Variants in CDK14 observed in about 807,000 individuals in gnomAD.
CDK14 encodes the protein cyclin dependent kinase 14.
Under a neutral mutation model 60.7 loss-of-function variants are expected in CDK14, and 34 were observed. The observed-to-expected ratio is 0.56, with a 90% CI of 0.43 to 0.75. The LOEUF is 0.75. Ranked by LOEUF, CDK14 falls within the 30% of genes least tolerant of loss-of-function variation. CDK14 has a pLI of 0.00. For missense variants in CDK14, 482 were observed against 564.1 expected, an observed-to-expected ratio of 0.85 and a Z score of 1.47; for synonymous variants, 197 against 203.7, an observed-to-expected ratio of 0.97 and a Z score of 0.28.
chr7:91,004,533 G>A (rs1447265082), intron 10 of CDK14, among the ~76,000 whole-genome samples: 1 of 152,082 alleles, frequency 6.6e-6, no homozygotes, highest in Non-Finnish European at 1.5e-5. Flanking sequence ...GAAGGACAAA[G>A]CCAGTATTAA....
intron 10 of CDK14, among the ~76,000 whole-genome samples, chr7:91,003,822 T>C (rs1795907633): frequency 6.6e-6 from 1 of 152,258 alleles, no homozygotes; most frequent in African/African-American, 2.4e-5. Context: ...GATTGTTTAT[T>C]GGAGAAAATA....
chr7:90,671,431 T>C (rs1801096357), intron 2 of CDK14, among the ~76,000 whole-genome samples: 1 of 151,850 alleles, frequency 6.6e-6, no homozygotes, highest in Admixed American at 6.6e-5. Flanking sequence ...TGTAAACAAA[T>C]GAAAGAAAAA....
intron 10 of CDK14, among the ~76,000 whole-genome samples, chr7:91,008,941 C>T (rs1796073274): frequency 6.6e-6 from 1 of 152,004 alleles, no homozygotes; most frequent in African/African-American, 2.4e-5. Context: ...AAATCATCAC[C>T]ACATTCAAGA....
intron 10 of CDK14, among the ~76,000 whole-genome samples, chr7:91,013,656 G>GGTTTTTTTTTT (rs1562868451): frequency 1.6e-5 from 2 of 123,386 alleles, no homozygotes; most frequent in Admixed American, 8.4e-5. Context: ...CATTGCCTCT[G>GGTTTTTTTTTT]TTTTTTTTTT....
chr7:91,005,825 T>C (rs1386142597), intron 10 of CDK14, among the ~76,000 whole-genome samples: 2 of 152,244 alleles, frequency 1.3e-5, no homozygotes, highest in African/African-American at 4.8e-5. Flanking sequence ...AACAGAGGCC[T>C]GTGAGGCAGA....
At chr7:90,610,214 G>A (rs1369901205) in intron 2 of CDK14, among the ~76,000 whole-genome samples, 1 of 151,984 alleles carries the variant, frequency 6.6e-6, no homozygotes, top group Non-Finnish European at 1.5e-5. Context: ...ATCCTCAATG[G>A]CCTTACCCCT....
At chr7:90,901,589 A>G (rs1254232453) in intron 7 of CDK14, among the ~76,000 whole-genome samples, 1 of 152,024 alleles carries the variant, frequency 6.6e-6, no homozygotes, top group Non-Finnish European at 1.5e-5. Flanking sequence ...AGTGCTTGGC[A>G]TATTTGTGGA....
chr7:90,784,551 C>T (rs1805487212), intron 4 of CDK14, among the ~76,000 whole-genome samples: 1 of 152,064 alleles, frequency 6.6e-6, no homozygotes, highest in South Asian at 2.1e-4. Flanking sequence ...TATTATGTAT[C>T]CATAAGTTTT....
chr7:90,999,990 C>T (rs73403331), intron 10 of CDK14, among the ~76,000 whole-genome samples: 3,334 of 152,210 alleles, frequency 0.022, 111 homozygotes, highest in African/African-American at 0.075. Context: ...GAAATAGTTT[C>T]GTCTTCTCTA....
chr7:90,971,715 C>T (rs960221738), intron 9 of CDK14, among the ~76,000 whole-genome samples: 10 of 147,726 alleles, frequency 6.8e-5, no homozygotes, highest in African/African-American at 2.5e-4. Context: ...GATCTGGTAA[C>T]TGGACCAGAC....
chr7:90,738,860 TTTAA>T (rs1803234716), intron 3 of CDK14, among the ~76,000 whole-genome samples: 1 of 151,438 alleles, frequency 6.6e-6, no homozygotes, highest in Non-Finnish European at 1.5e-5. Flanking sequence ...AGGACTCCAC[TTTAA>T]TTATAAACAA....
chr7:90,785,660 G>T (rs569101229), intron 4 of CDK14, among the ~76,000 whole-genome samples: 1 of 151,756 alleles, frequency 6.6e-6, no homozygotes, highest in East Asian at 1.9e-4. Flanking sequence ...GGTGGTGGGC[G>T]CCTGTAGTCC....
In CDK14 at chr7:90,970,487, G is replaced by T. The variant is rs147734299; in HGVS notation, c.948-13661G>T. Among the ~76,000 whole-genome samples the T allele has an allele frequency of 1.7e-3, 259 of 152,254 alleles. 1 individual carries two copies. The highest frequency in any genetic ancestry group is 6.8e-3 in the Middle Eastern group (2 of 294). Reference sequence around the variant, plus strand: ...ATTTGCTCTTTTTTAACCTGACCAGGCTGACCAAATAAAGACAGGTTTTTC... The same window carrying T: ...ATTTGCTCTTTTTTAACCTGACCAGTCTGACCAAATAAAGACAGGTTTTTC... On this transcript the variant is annotated intron_variant, in intron 9 of 14. Coordinates refer to ENST00000380050, the MANE Select transcript of CDK14 (RefSeq NM_001287135.2).
At chr7:90,613,768 C>T (rs1799593037) in intron 2 of CDK14, among the ~76,000 whole-genome samples, 1 of 152,144 alleles carries the variant, frequency 6.6e-6, no homozygotes, top group Non-Finnish European at 1.5e-5. Flanking sequence ...CTATTTTCTT[C>T]AACAAGTGCA....
At chr7:91,134,742 G>T (rs574680596) in intron 14 of CDK14, among the ~76,000 whole-genome samples, 9 of 152,094 alleles carry the variant, frequency 5.9e-5, no homozygotes, top group Admixed American at 6.5e-5. Flanking sequence ...GGCAGTAGTG[G>T]CATGTGCCTG....
chr7:90,944,151 A>G (rs964138648), intron 8 of CDK14, among the ~76,000 whole-genome samples: 1 of 152,220 alleles, frequency 6.6e-6, no homozygotes, highest in Non-Finnish European at 1.5e-5. Flanking sequence ...TGCCAATCAG[A>G]TGCAGCTGCC....
At chr7:91,056,487 C>T (rs569475646) in intron 11 of CDK14, among the ~76,000 whole-genome samples, 109 of 151,998 alleles carry the variant, frequency 7.2e-4, no homozygotes, top group African/African-American at 2.6e-3. Context: ...ATACATGTGC[C>T]ATGTTGGTGT....
intron 6 of CDK14, among the ~76,000 whole-genome samples, chr7:90,895,318 T>TTCCTCTACTTTCCTCTCCTC (rs1562817401): frequency 3.2e-5 from 2 of 63,150 alleles, no homozygotes; most frequent in Admixed American, 1.6e-4. Flanking sequence ...TTCCTCTTCT[T>TTCCTCTACTTTCCTCTCCTC]TCCTCTCCTT....
chr7:90,951,691 T>C (rs1412383346), intron 8 of CDK14, among the ~76,000 whole-genome samples: 1 of 152,222 alleles, frequency 6.6e-6, no homozygotes, highest in Non-Finnish European at 1.5e-5. Flanking sequence ...AGTTCTAGTT[T>C]ACATCTGTGT....
Sources: allele counts gnomAD v4.1 joint callset (sites outside exome capture counted in the v4.1 genomes callset), GRCh38; gene constraint gnomAD v4.1.1; transcripts MANE v1.5; gene names NCBI Gene and HGNC (gene_info 2026-07-23, HGNC 2026-07-21).